Variants in CCDC102B observed in about 807,000 individuals in gnomAD.
CCDC102B encodes the protein coiled-coil domain-containing protein 102B.
CCDC102B carries 75 observed loss-of-function variants against 57.4 expected under a neutral mutation model. The observed-to-expected ratio is 1.31, with a 90% CI of 1.08 to 1.58. The LOEUF (loss-of-function observed/expected upper bound fraction) is 1.58. Among genes scored for constraint, CCDC102B ranks in the 40% most tolerant of loss-of-function variants. The probability of loss-of-function intolerance (pLI) is 0.00; values close to 1 mark genes in which losing one functional copy is unlikely to be tolerated. For synonymous variants in CCDC102B, 206 were observed against 201.9 expected (o/e 1.02, Z -0.17); for missense variants, 636 against 582.6 (o/e 1.09, Z -0.94).
chr18:69,001,867 C>T (rs2051210232), intron 6 of CCDC102B, among the ~76,000 whole-genome samples: 1 of 152,090 alleles, frequency 6.6e-6, no homozygotes, highest in African/African-American at 2.4e-5. Flanking sequence ...ATATTCATCC[C>T]CTTGTCCAGT....
At position 68,761,979 on chromosome 18, in the gene CCDC102B, C is replaced by T. The variant is rs73970707; in HGVS notation, c.-67+45385C>T. Among the ~76,000 whole-genome samples, 22 of 152,002 alleles carry T rather than the reference C, an allele frequency of 1.4e-4. No homozygotes were observed. The Middle Eastern group carries it at 0.01, about 71-fold the overall frequency. On this transcript the variant is annotated intron_variant, in intron 2 of 3. Transcript: ENST00000578970. ...CTTGGCGCTAGTTTGTAAGTAATTC[C>T]GGTCTGTTTAAACTTATTTTAGATG...
At chr18:68,777,105 C>A (rs2034846771) in intron 2 of CCDC102B, among the ~76,000 whole-genome samples, 1 of 152,094 alleles carries the variant, frequency 6.6e-6, no homozygotes, top group African/African-American at 2.4e-5. Context: ...AATAATTTTG[C>A]TGAGAACTTT....
intron 2 of CCDC102B, among the ~76,000 whole-genome samples, chr18:68,779,555 G>A (rs962052210): frequency 3.4e-5 from 4 of 118,116 alleles, no homozygotes; most frequent in Non-Finnish European, 5.8e-5. Context: ...ACAACAATAC[G>A]TCATTATATT....
At chr18:68,971,144 C>A (rs1304253810) in intron 6 of CCDC102B, among the ~76,000 whole-genome samples, 3 of 151,870 alleles carry the variant, frequency 2.0e-5, no homozygotes, top group South Asian at 2.1e-4. Flanking sequence ...TCTTAATTAA[C>A]CTTTAATTAA....
At chr18:68,863,674 T>A (rs1012093425) in intron 4 of CCDC102B, among the ~76,000 whole-genome samples, 3 of 151,980 alleles carry the variant, frequency 2.0e-5, no homozygotes, top group Admixed American at 2.0e-4. Flanking sequence ...AACAAAATAA[T>A]GAATTGAATC....
chr18:68,937,208 C>T (rs533724217), intron 6 of CCDC102B, among the ~76,000 whole-genome samples: 1 of 152,158 alleles, frequency 6.6e-6, no homozygotes, highest in African/African-American at 2.4e-5. Context: ...CCTTCTAGCA[C>T]TTAGGAACAT....
At chr18:69,056,105 A>G (rs1421659291), downstream of CCDC102B, among the ~76,000 whole-genome samples, 1 of 152,114 alleles carries the variant, frequency 6.6e-6, no homozygotes, top group East Asian at 1.9e-4. Flanking sequence ...CATAATGATG[A>G]CGAAGTTGAG....
chr18:68,748,267 A>C (rs1262005621), intron 2 of CCDC102B, among the ~76,000 whole-genome samples: 1 of 136,566 alleles, frequency 7.3e-6, no homozygotes, highest in Non-Finnish European at 1.6e-5. Context: ...TTTGCTATTG[A>C]GTTGTAGAAT....
chr18:68,794,231 C>T (rs2035556468), upstream of CCDC102B, among the ~76,000 whole-genome samples: 1 of 152,044 alleles, frequency 6.6e-6, no homozygotes, highest in African/African-American at 2.4e-5. Context: ...ATGACTTCAC[C>T]AGCTTATTAT....
At chr18:68,857,507 G>C (rs2144865560) in intron 4 of CCDC102B, among the ~76,000 whole-genome samples, 1 of 145,106 alleles carries the variant, frequency 6.9e-6, no homozygotes, top group South Asian at 2.1e-4. Context: ...ATACATTTTT[G>C]CTTTCTTTCC....
At chr18:68,811,813 G>T (rs773882047) in intron 1 of CCDC102B, among the ~76,000 whole-genome samples, 5 of 152,170 alleles carry the variant, frequency 3.3e-5, no homozygotes, top group African/African-American at 1.2e-4. Flanking sequence ...ACAGAGGACT[G>T]CAGGTCGACT....
At chr18:68,728,666 G>T (rs1406915444) in intron 2 of CCDC102B, among the ~76,000 whole-genome samples, 1 of 152,094 alleles carries the variant, frequency 6.6e-6, no homozygotes, top group African/African-American at 2.4e-5. Context: ...CTTTTTCTGG[G>T]TGTTATCCTG....
intron 5 of CCDC102B, among the ~76,000 whole-genome samples, chr18:68,891,037 T>C (rs1320268262): frequency 6.6e-6 from 1 of 152,336 alleles, no homozygotes; most frequent in African/African-American, 2.4e-5. Context: ...CAAACAATTT[T>C]CTAATGTGAT....
intron 6 of CCDC102B, among the ~76,000 whole-genome samples, chr18:68,916,224 G>A (rs970164534): frequency 1.3e-5 from 2 of 152,046 alleles, no homozygotes; most frequent in Non-Finnish European, 2.9e-5. Context: ...TGATGATTTG[G>A]AAGGACTAGG....
chr18:68,857,964 T>C (rs2038557592), intron 4 of CCDC102B, among the ~76,000 whole-genome samples: 1 of 152,224 alleles, frequency 6.6e-6, no homozygotes, highest in Non-Finnish European at 1.5e-5. Flanking sequence ...GTATGATGAA[T>C]GCCTTCATGC....
chr18:69,053,962 A>G, intron 7 of CCDC102B, 68 bp from the exon 8 acceptor site: 3 of 1,225,426 alleles, frequency 2.4e-6, no homozygotes, highest in Non-Finnish European at 3.4e-6. Flanking sequence ...GATGTTATTT[A>G]CTATAGCCAC....
At chr18:68,724,616 A>G (rs769788792) in intron 2 of CCDC102B, among the ~76,000 whole-genome samples, 2 of 152,170 alleles carry the variant, frequency 1.3e-5, no homozygotes, top group Non-Finnish European at 2.9e-5. Context: ...CCTCTTCTCC[A>G]TCTGAGACCA....
intron 6 of CCDC102B, among the ~76,000 whole-genome samples, chr18:68,976,614 T>G (rs1399138724): frequency 6.6e-6 from 1 of 152,042 alleles, no homozygotes; most frequent in Non-Finnish European, 1.5e-5. Flanking sequence ...ATCAATTTAC[T>G]TTCAGTAGCA....
chr18:68,895,430 T>A (rs2040209009), intron 5 of CCDC102B, among the ~76,000 whole-genome samples: 1 of 151,798 alleles, frequency 6.6e-6, no homozygotes, highest in Non-Finnish European at 1.5e-5. Context: ...AGGATATTGT[T>A]GAAATGTAAC....
Sources: allele counts gnomAD v4.1 joint callset (sites outside exome capture counted in the v4.1 genomes callset), GRCh38; gene constraint gnomAD v4.1.1; transcripts MANE v1.5; gene names NCBI Gene and HGNC (gene_info 2026-07-23, HGNC 2026-07-21).